Variants in ARHGAP8 observed in about 807,000 individuals in gnomAD.
ARHGAP8 encodes the protein rho GTPase-activating protein 8.
ARHGAP8 carries 62 observed loss-of-function variants against 46.1 expected under a neutral mutation model. The ratio of observed to expected loss-of-function variants is 1.34; its 90% CI spans 1.10 to 1.66. The LOEUF (loss-of-function observed/expected upper bound fraction) is 1.66. ARHGAP8 is among the 40% of genes most tolerant of loss of function. The pLI is 0.00. For synonymous variants in ARHGAP8, 375 were observed against 243.1 expected (o/e 1.54, Z -5.05); for missense variants, 923 against 568.4 (o/e 1.62, Z -6.34).
chr22:44,783,855 C>T (rs4823377), intron 1 of ARHGAP8, among the ~76,000 whole-genome samples: 134,633 of 151,744 alleles, frequency 0.89, 59,973 homozygotes, highest in Non-Finnish European at 0.94. Context: ...TGCCTCCAGC[C>T]GCAGAGCCTG....
intron 11 of ARHGAP8, among the ~76,000 whole-genome samples, chr22:44,860,716 C>G (rs1569188455): frequency 6.6e-6 from 1 of 152,024 alleles, no homozygotes; most frequent in Non-Finnish European, 1.5e-5. Flanking sequence ...TGCTCTCCCC[C>G]TGGGGCAGGG....
intron 1 of ARHGAP8, chr22:44,777,014 C>T (rs1344909549): frequency 1.3e-5 from 2 of 152,456 alleles, no homozygotes; most frequent in Non-Finnish European, 2.9e-5. Context: ...GCTTTTTGCC[C>T]TCAGGCTCCT....
intron 5 of ARHGAP8, among the ~76,000 whole-genome samples, chr22:44,817,528 G>GC (rs1411122899): frequency 6.6e-6 from 1 of 152,154 alleles, no homozygotes; most frequent in Non-Finnish European, 1.5e-5. Flanking sequence ...GAGGGGCTGG[G>GC]CGCAATAGCT....
chr22:44,836,382 A>G (rs548905440), intron 7 of ARHGAP8, among the ~76,000 whole-genome samples: 4 of 151,878 alleles, frequency 2.6e-5, no homozygotes, highest in African/African-American at 9.7e-5. Flanking sequence ...ACCCAGGTAT[A>G]ATGAGGACTT....
chr22:44,862,533 A>G lies in ARHGAP8; in HGVS notation c.1240A>G (p.Thr414Ala), dbSNP rs377110472. The G allele has an allele frequency of 8.1e-6, 13 of 1,610,010 alleles. No individual in the cohort carries two copies. The highest frequency in any genetic ancestry group is 2.2e-5 in the East Asian group (1 of 44,762). ...GGAGGCTGTGCCACGGACACAAGCC[A>G]CGGGCCTCACCAAGCCTACCCTACC... ...LQEAVPRTQA[T>A]GLTKPTLPPS... is the part of the protein sequence containing the mutation. The change falls in exon 12 of 12, where the codon ACG (threonine) becomes GCG (alanine). Residue 414 changes from threonine (T) to alanine (A), a missense_variant. Coordinates refer to ENST00000356099, the MANE Select transcript of ARHGAP8 (RefSeq NM_181335.3).
intron 6 of ARHGAP8, 99 bp from the exon 7 acceptor site, chr22:44,825,384 C>T (rs1602229825): frequency 2.3e-6 from 3 of 1,308,716 alleles, no homozygotes; most frequent in Middle Eastern, 2.7e-4. Flanking sequence ...GATGAGATGC[C>T]CAGGTGTCCT....
At chr22:44,790,196 T>A (rs1349120715) in intron 2 of ARHGAP8, among the ~76,000 whole-genome samples, 1 of 151,996 alleles carries the variant, frequency 6.6e-6, no homozygotes, top group Non-Finnish European at 1.5e-5. Context: ...GGGAGGCCAG[T>A]AAGAGCAAGA....
At position 44,833,115 on chromosome 22, in the gene ARHGAP8, G is replaced by A. The variant is rs79444266; in HGVS notation, c.596+7522G>A. Among the ~76,000 whole-genome samples, 140 of 29,356 alleles carry A rather than the reference G, an allele frequency of 4.8e-3. 2 individuals are homozygous for A. The East Asian group carries it at 0.077, about 16-fold the overall frequency. The allele number at this position is 29,356 out of a possible 152,430, so 19.3% of individuals were successfully genotyped here. A position where few individuals can be genotyped will look rare whatever the true frequency, so the allele number is the denominator to read the frequency against. On this transcript the variant is annotated intron_variant, in intron 7 of 11. Transcript: ENST00000356099. ...TCTTTTCTTTTTTTTTTTTTTTTTT[G>A]AGATAGAGTCTCCCTCTGTTGCGTA...
chr22:44,817,392 C>T lies in ARHGAP8; in HGVS notation c.386+2634C>T, dbSNP rs372263391. Reference sequence around the variant, plus strand: ...CTACTGGCCTATGCCGCACACATTCCCCTATTGGAAGGTGAGGTTTTGTTT... The same window carrying T: ...CTACTGGCCTATGCCGCACACATTCTCCTATTGGAAGGTGAGGTTTTGTTT... On this transcript the variant is annotated intron_variant, in intron 5 of 11. Transcript: ENST00000356099. Among the ~76,000 whole-genome samples, 10 of 152,348 alleles carry T rather than the reference C, an allele frequency of 6.6e-5. 2 individuals are homozygous for T.
intron 10 of ARHGAP8, among the ~76,000 whole-genome samples, chr22:44,856,254 CTTTTTTTTTTTTTTTTTTT>C (rs557242169): frequency 5.8e-5 from 5 of 86,880 alleles, no homozygotes; most frequent in Admixed American, 1.6e-4. Context: ...TATAAATTCC[CTTTTTTTTTTTTTTTTTTT>C]TTTTTTTTTT....
intron 5 of ARHGAP8, among the ~76,000 whole-genome samples, chr22:44,816,765 A>G (rs1300430443): frequency 7.2e-6 from 1 of 139,608 alleles, no homozygotes; most frequent in Non-Finnish European, 1.5e-5. Context: ...TGTTTGTGCC[A>G]TTGCATTTCA....
intron 1 of ARHGAP8, among the ~76,000 whole-genome samples, chr22:44,755,980 A>G (rs1311370171): frequency 1.3e-5 from 2 of 152,170 alleles, no homozygotes; most frequent in Non-Finnish European, 2.9e-5. Context: ...AATGCATGAG[A>G]AGCGCAGGTG....
chr22:44,779,698 A>T (rs1926701161), intron 1 of ARHGAP8, among the ~76,000 whole-genome samples: 1 of 151,056 alleles, frequency 6.6e-6, no homozygotes. Context: ...AGTAGCCGGG[A>T]TTACAGGTGT....
chr22:44,826,598 TGTATTTTTA>T (rs1930540478), intron 7 of ARHGAP8, among the ~76,000 whole-genome samples: 1 of 152,066 alleles, frequency 6.6e-6, no homozygotes. Context: ...CTAATTTTTT[TGTATTTTTA>T]GTAGAGACAG....
intron 1 of ARHGAP8, among the ~76,000 whole-genome samples, chr22:44,766,907 G>C (rs1417964268): frequency 6.6e-6 from 1 of 152,196 alleles, no homozygotes; most frequent in Non-Finnish European, 1.5e-5. Flanking sequence ...GCCTTGGGGT[G>C]GGGGTGGGGC....
chr22:44,779,182 C>A (rs9614923), intron 1 of ARHGAP8, among the ~76,000 whole-genome samples: 1 of 149,882 alleles, frequency 6.7e-6, no homozygotes, highest in African/African-American at 2.5e-5. Context: ...TCACTGCAAC[C>A]TCCGCCTCTT....
At chr22:44,851,252 G>GA in intron 10 of ARHGAP8, among the ~76,000 whole-genome samples, 1 of 152,254 alleles carries the variant, frequency 6.6e-6, no homozygotes, top group African/African-American at 2.4e-5. Flanking sequence ...TGTTGGGAAG[G>GA]AAAAAATCCT....
chr22:44,856,413 A>G (rs1353314596), intron 10 of ARHGAP8, among the ~76,000 whole-genome samples: 2 of 151,858 alleles, frequency 1.3e-5, no homozygotes, highest in Non-Finnish European at 2.9e-5. Flanking sequence ...ATCTGGGATT[A>G]CAGGCACCCG....
chr22:44,788,243 C>T (rs1279804180), intron 2 of ARHGAP8, among the ~76,000 whole-genome samples: 1 of 152,036 alleles, frequency 6.6e-6, no homozygotes, highest in Non-Finnish European at 1.5e-5. Context: ...CTCAGCCTCC[C>T]AAGTAGCTGG....
Sources: allele counts gnomAD v4.1 joint callset (sites outside exome capture counted in the v4.1 genomes callset), GRCh38; gene constraint gnomAD v4.1.1; transcripts MANE v1.5; gene names NCBI Gene and HGNC (gene_info 2026-07-23, HGNC 2026-07-21).